Variants in FAM241A observed in about 807,000 individuals in gnomAD.
The protein encoded by FAM241A is family with sequence similarity 241 member A.
In FAM241A, 7 loss-of-function variants were observed where a neutral mutation model predicts 12.2. That is an observed-to-expected ratio of 0.58 (90% CI 0.33 to 1.08). The LOEUF is 1.08. FAM241A is among the 50% of genes least tolerant of loss of function. The pLI, the probability that FAM241A is intolerant of heterozygous loss-of-function variation, is 0.04. For synonymous variants in FAM241A, 74 were observed against 68.2 expected, an observed-to-expected ratio of 1.08 and a Z score of -0.42; for missense variants, 161 against 169.7, an observed-to-expected ratio of 0.95 and a Z score of 0.29.
intron 1 of FAM241A, among the ~76,000 whole-genome samples, chr4:112,162,637 C>T (rs1723499573): frequency 6.6e-6 from 1 of 152,142 alleles, no homozygotes; most frequent in Admixed American, 6.5e-5. Flanking sequence ...GAACTACAAA[C>T]CACTGCTCAA....
chr4:112,178,079 G>A (rs1578378291), intron 1 of FAM241A, among the ~76,000 whole-genome samples: 1 of 152,032 alleles, frequency 6.6e-6, no homozygotes, highest in South Asian at 2.1e-4. Context: ...CATGTTTCTT[G>A]CCCTTAATAC....
At chr4:112,168,881 T>A (rs1723654322) in intron 1 of FAM241A, among the ~76,000 whole-genome samples, 1 of 152,174 alleles carries the variant, frequency 6.6e-6, no homozygotes, top group African/African-American at 2.4e-5. Context: ...GTCAGGCTGG[T>A]CTTGAACTCC....
At chr4:112,178,006 T>C (rs1723857413) in intron 1 of FAM241A, among the ~76,000 whole-genome samples, 1 of 152,188 alleles carries the variant, frequency 6.6e-6, no homozygotes, top group African/African-American at 2.4e-5. Flanking sequence ...AAATACTTAT[T>C]ATGAGTCTAT....
At chr4:112,173,545 A>G (rs187502161) in intron 1 of FAM241A, among the ~76,000 whole-genome samples, 1 of 152,314 alleles carries the variant, frequency 6.6e-6, no homozygotes, top group East Asian at 1.9e-4. Context: ...GTGAAAGGAT[A>G]GTGAAGAAGG....
At chr4:112,182,932 T>G (rs1723969598) in intron 1 of FAM241A, among the ~76,000 whole-genome samples, 1 of 152,046 alleles carries the variant, frequency 6.6e-6, no homozygotes, top group African/African-American at 2.4e-5. Context: ...GATTGAAGAA[T>G]ATTGATCATT....
chr4:112,178,778 TAAATC>T (rs1382898971), intron 1 of FAM241A, among the ~76,000 whole-genome samples: 3 of 151,832 alleles, frequency 2.0e-5, no homozygotes, highest in Non-Finnish European at 2.9e-5. Flanking sequence ...GTAAGAAACT[TAAATC>T]AACAAGCAAA....
At chr4:112,155,371 G>T (rs2110421572) in intron 1 of FAM241A, among the ~76,000 whole-genome samples, 1 of 152,142 alleles carries the variant, frequency 6.6e-6, no homozygotes, top group African/African-American at 2.4e-5. Context: ...CAAAGACTAA[G>T]TTCTAGTTGA....
At chr4:112,146,813 C>T (rs1387575014) in intron 1 of FAM241A, among the ~76,000 whole-genome samples, 3 of 152,170 alleles carry the variant, frequency 2.0e-5, no homozygotes, top group African/African-American at 7.2e-5. Flanking sequence ...TATGCCTTAG[C>T]GTTAGGTTTG....
At chr4:112,169,053 A>G (rs138772457) in intron 1 of FAM241A, among the ~76,000 whole-genome samples, 43 of 152,376 alleles carry the variant, frequency 2.8e-4, no homozygotes, top group East Asian at 1.9e-3. Flanking sequence ...ATAGTCTTCA[A>G]TCTTCCATAT....
At chr4:112,172,478 C>G (rs1017666366) in intron 1 of FAM241A, among the ~76,000 whole-genome samples, 1 of 152,116 alleles carries the variant, frequency 6.6e-6, no homozygotes, top group East Asian at 1.9e-4. Flanking sequence ...GTTAAACACA[C>G]CATATCATTT....
intron 1 of FAM241A, among the ~76,000 whole-genome samples, chr4:112,160,340 G>A (rs972667805): frequency 2.6e-5 from 4 of 151,488 alleles, no homozygotes; most frequent in Admixed American, 2.0e-4. Context: ...AGGAGGCAGA[G>A]GTTGCAGTGA....
At chr4:112,170,093 C>A (rs113488164) in intron 1 of FAM241A, among the ~76,000 whole-genome samples, 1 of 152,124 alleles carries the variant, frequency 6.6e-6, no homozygotes, top group East Asian at 1.9e-4. Context: ...AAACTAATTT[C>A]TTTCTGTCAT....
chr4:112,155,347 G>A (rs575632967), intron 1 of FAM241A, among the ~76,000 whole-genome samples: 3 of 151,972 alleles, frequency 2.0e-5, no homozygotes, highest in African/African-American at 7.3e-5. Flanking sequence ...GTATTTTTCT[G>A]TTTATAATCA....
chr4:112,145,803 G>A, intron 1 of FAM241A, 70 bp downstream of exon 1: 1 of 999,972 alleles, frequency 1.0e-6, no homozygotes, highest in Admixed American at 5.1e-5. Context: ...GCGTTGGAGG[G>A]AAGGGGCCCG....
chr4:112,145,774 G>GGGCCGCGAGCCCCGCCCGGCGTTGGA, intron 1 of FAM241A, 41 bp downstream of exon 1: 1 of 1,137,054 alleles, frequency 8.8e-7, no homozygotes, highest in Non-Finnish European at 1.1e-6. Flanking sequence ...GCCGGGTCGG[G>GGGCCGCGAGCCCCGCCCGGCGTTGGA]GGCCGCGAGC....
chr4:112,166,131 C>T (rs140962603), intron 1 of FAM241A, among the ~76,000 whole-genome samples: 1,513 of 150,442 alleles, frequency 0.01, 29 homozygotes, highest in African/African-American at 0.035. Flanking sequence ...ACTGCAAGCT[C>T]TACTTCCCGG....
chr4:112,186,365 G>A (rs368922980), intron 1 of FAM241A, among the ~76,000 whole-genome samples: 10 of 152,122 alleles, frequency 6.6e-5, no homozygotes, highest in Non-Finnish European at 1.5e-4. Flanking sequence ...GTTTCTTAAC[G>A]TCTTAGTGTC....
Position 112,188,215 on chromosome 4 carries a change from T to C in FAM241A, c.*1277T>C, listed in dbSNP as rs947353073. 2.0e-5 allele frequency: 3 copies of C among 152,138 alleles called. No homozygotes were observed. Among genetic ancestry groups the C allele is most frequent in the African/African-American group, 7.2e-5 (3 of 41,442 alleles). The allele number at this position is 152,138 out of a possible 1,614,324, so 9.4% of individuals were successfully genotyped here. ...AAAGGAAAGGGGGGTAGTTAAGATTTAGAATTCAAGTTAAATTTCAGAAAT... is the reference window on the plus strand; with the variant it reads ...AAAGGAAAGGGGGGTAGTTAAGATTCAGAATTCAAGTTAAATTTCAGAAAT... On this transcript the variant is annotated 3_prime_UTR_variant, in exon 2 of 2. Coordinates refer to ENST00000309733, the MANE Select transcript of FAM241A (RefSeq NM_152400.3).
chr4:112,183,727 A>G (rs1723988495), intron 1 of FAM241A, among the ~76,000 whole-genome samples: 1 of 152,102 alleles, frequency 6.6e-6, no homozygotes, highest in Admixed American at 6.5e-5. Context: ...TTAATAAAAA[A>G]TGAAGAAAAA....
Sources: gnomAD v4.1 joint callset for allele counts (sites outside exome capture counted in the v4.1 genomes callset) on GRCh38, gnomAD v4.1.1 for gene constraint, MANE v1.5 for transcripts, NCBI Gene and HGNC (gene_info 2026-07-23, HGNC 2026-07-21) for gene names.